The following RPS6KA2 variants were observed in gnomAD, a reference collection of about 807,000 sequenced individuals.
RPS6KA2 encodes the protein ribosomal protein S6 kinase A2, also known as ribosomal protein S6 kinase alpha-2.
In RPS6KA2, 42 loss-of-function variants were observed where a neutral mutation model predicts 91.8. The ratio of observed to expected loss-of-function variants is 0.46; its 90% CI spans 0.36 to 0.59. The LOEUF (loss-of-function observed/expected upper bound fraction) is 0.59. RPS6KA2 is among the 20% of genes least tolerant of loss of function. The pLI, the probability that RPS6KA2 is intolerant of heterozygous loss-of-function variation, is 0.00. For missense variants in RPS6KA2, 798 were observed against 978.5 expected (o/e 0.82, Z 2.46); for synonymous variants, 414 against 393.6 (o/e 1.05, Z -0.61).
chr6:166,695,050 G>A (rs983182946), intron 2 of RPS6KA2, among the ~76,000 whole-genome samples: 1 of 152,218 alleles, frequency 6.6e-6, no homozygotes, highest in African/African-American at 2.4e-5. Context: ...GGCCACCAAG[G>A]AGCTAATATT....
chr6:166,413,249 G>A (rs1035579452), intron 20 of RPS6KA2, among the ~76,000 whole-genome samples: 1 of 152,136 alleles, frequency 6.6e-6, no homozygotes, highest in Admixed American at 6.5e-5. Context: ...GGGTCCTAGG[G>A]GACACAGCGA....
intron 2 of RPS6KA2, among the ~76,000 whole-genome samples, chr6:166,850,613 C>T (rs4710117): frequency 0.92 from 139,438 of 152,226 alleles, 65,133 homozygotes; most frequent in East Asian, 1. Flanking sequence ...AGTGTGGCAA[C>T]GCAGGTCCCG....
At chr6:166,543,811 C>T (rs573513746) in intron 1 of RPS6KA2, among the ~76,000 whole-genome samples, 25 of 152,242 alleles carry the variant, frequency 1.6e-4, no homozygotes, top group Non-Finnish European at 3.4e-4. Context: ...GGCAACTGTC[C>T]TGAGTGTGTG....
At chr6:166,567,198 T>A (rs1773738475) in intron 1 of RPS6KA2, among the ~76,000 whole-genome samples, 1 of 152,162 alleles carries the variant, frequency 6.6e-6, no homozygotes, top group South Asian at 2.1e-4. Flanking sequence ...ATGAGTCACA[T>A]CCATGGTGGC....
In RPS6KA2 at chr6:166,703,041, A is replaced by G. The variant is rs150589340; in HGVS notation, c.123+155159T>C. On this transcript the variant is annotated intron_variant, in intron 2 of 21. Transcript: ENST00000503859. Reference sequence around the variant, plus strand: ...TTTCCTTGTCTAGATATGTTTTAAAAGAGAAAGAAAAGAAAAAGCCTAGCT... The same window carrying G: ...TTTCCTTGTCTAGATATGTTTTAAAGGAGAAAGAAAAGAAAAAGCCTAGCT... Among the ~76,000 whole-genome samples the G allele has an allele frequency of 7.9e-3, 1,210 of 152,318 alleles. 6 individuals are homozygous for G. The highest frequency in any genetic ancestry group is 0.013 in the Non-Finnish European group (892 of 68,024).
chr6:166,668,888 CTTTCT>C (rs1788394241), intron 2 of RPS6KA2, among the ~76,000 whole-genome samples: 2 of 76,126 alleles, frequency 2.6e-5, no homozygotes, highest in Non-Finnish European at 5.2e-5. Flanking sequence ...TCCTTCCTTT[CTTTCT>C]TTTCTTTTTT....
rs760218344 is a variant in RPS6KA2, at chr6:166,469,855, T to C, written c.958A>G (p.Thr320Ala). The change falls in exon 11 of 21, where the codon ACC becomes GCC. Residue 320 changes from threonine to alanine, a missense_variant. Thr to Ala is a moderately conservative substitution (Grantham distance 58, BLOSUM62 0). Coordinates refer to ENST00000265678, the MANE Select transcript of RPS6KA2 (RefSeq NM_021135.6). ...ATGCAACTTACGTTCCAGTCTATGGTCACAAAGAAGGGATGGCGCTTAATT... is the reference window on the plus strand; with the variant it reads ...ATGCAACTTACGTTCCAGTCTATGGCCACAAAGAAGGGATGGCGCTTAATT... ...EEIKRHPFFV[T>A]IDWNTLYRKE... 8 of 1,613,964 alleles carry C rather than the reference T, an allele frequency of 5.0e-6. No individual in the cohort carries two copies. The African/African-American group carries it at 8.0e-5, about 16-fold the overall frequency.
intron 2 of RPS6KA2, among the ~76,000 whole-genome samples, chr6:166,703,811 A>G (rs1038164531): frequency 3.3e-5 from 5 of 152,204 alleles, no homozygotes; most frequent in Admixed American, 2.6e-4. Context: ...CATTAACCTT[A>G]TATGTACCTT....
Position 166,538,581 on chromosome 6 carries a change from G to A in RPS6KA2, c.216+87C>T, listed in dbSNP as rs751804731. Reference sequence around the variant, plus strand: ...GATCGCAGCCCTGCAGGTGAGGACCGCCTGCAATTTTCATCCAGGGGGGCT... The same window carrying A: ...GATCGCAGCCCTGCAGGTGAGGACCACCTGCAATTTTCATCCAGGGGGGCT... On this transcript the variant is annotated intron_variant, in intron 2 of 20. Transcript: ENST00000265678. 177 of 742,970 alleles carry A rather than the reference G, an allele frequency of 2.4e-4. 1 individual carries two copies. The highest frequency in any genetic ancestry group is 3.6e-4 in the Non-Finnish European group (151 of 413,708). The allele number at this position is 742,970 out of a possible 1,614,324, so 46.0% of individuals were successfully genotyped here. A position where few individuals can be genotyped will look rare whatever the true frequency, so the allele number is the denominator to read the frequency against.
chr6:166,501,123 G>C (rs1462908309), intron 6 of RPS6KA2, among the ~76,000 whole-genome samples, 199 bp from the exon 7 acceptor site: 1 of 152,160 alleles, frequency 6.6e-6, no homozygotes, highest in East Asian at 1.9e-4. Flanking sequence ...CTCCCAGCTC[G>C]AGAAAGCATT....
At chr6:166,628,270 C>T (rs1786970061), upstream of RPS6KA2, among the ~76,000 whole-genome samples, 1 of 152,106 alleles carries the variant, frequency 6.6e-6, no homozygotes. Flanking sequence ...AATGCGGGCT[C>T]ACGACCCCGT....
rs753441237 is a variant in RPS6KA2, at chr6:166,469,868, A to T, written c.945T>A (p.His315Gln). The T allele has an allele frequency of 6.8e-6, 11 of 1,614,184 alleles. No homozygotes were observed. In the East Asian group the frequency reaches 2.5e-4, roughly 36 times the overall value. ...TCCAGTCTATGGTCACAAAGAAGGG[A>T]TGGCGCTTAATTTCCTCCACTCCGT... ...GIDGVEEIKRHPFFVTIDWNT... is the reference protein window; with the variant it reads ...GIDGVEEIKRQPFFVTIDWNT... The change falls in exon 11 of 21, where the codon CAT becomes CAA. Residue 315 changes from histidine to glutamine, a missense_variant. Coordinates refer to ENST00000265678, the MANE Select transcript of RPS6KA2 (RefSeq NM_021135.6).
chr6:166,770,784 A>G lies in RPS6KA2; in HGVS notation c.123+87416T>C. The G allele has an allele frequency of 7.3e-7, 1 of 1,362,894 alleles. No individual in the cohort carries two copies. The highest frequency in any genetic ancestry group is 1.0e-6 in the Non-Finnish European group (1 of 994,580). The allele number at this position is 1,362,894 out of a possible 1,614,324, so 84.4% of individuals were successfully genotyped here. On this transcript the variant is annotated intron_variant, in intron 2 of 21. Transcript: ENST00000503859. The surrounding 1 kb of genome is among the most constrained non-coding windows in gnomAD (Gnocchi z 5.1). Reference sequence around the variant, plus strand: ...GTGAAACAACTCAATAAATTGAAAAAGACTTCATGTTTAACTTAAAAAAAA... The same window carrying G: ...GTGAAACAACTCAATAAATTGAAAAGGACTTCATGTTTAACTTAAAAAAAA...
chr6:166,820,883 C>T (rs985979654), intron 2 of RPS6KA2, among the ~76,000 whole-genome samples: 5 of 152,172 alleles, frequency 3.3e-5, no homozygotes, highest in African/African-American at 7.2e-5. Context: ...ACTACGTTCA[C>T]ACACACACTA....
chr6:166,684,267 C>T (rs1788935491), intron 2 of RPS6KA2, among the ~76,000 whole-genome samples: 1 of 152,168 alleles, frequency 6.6e-6, no homozygotes, highest in African/African-American at 2.4e-5. Context: ...GCATTACCGC[C>T]CCTTTTCATA....
intron 2 of RPS6KA2, among the ~76,000 whole-genome samples, chr6:166,792,727 C>T (rs1779123809): frequency 6.6e-6 from 1 of 152,208 alleles, no homozygotes; most frequent in Admixed American, 6.5e-5. Context: ...CATAATCCAT[C>T]ATATAAACAG....
intron 1 of RPS6KA2, among the ~76,000 whole-genome samples, chr6:166,580,498 G>A (rs918619877): frequency 6.6e-6 from 1 of 152,220 alleles, no homozygotes; most frequent in African/African-American, 2.4e-5. Context: ...AAAGGTGAGT[G>A]CATAAACCTC....
chr6:166,568,100 G>A (rs1396256946), intron 1 of RPS6KA2, among the ~76,000 whole-genome samples: 1 of 152,170 alleles, frequency 6.6e-6, no homozygotes, highest in Non-Finnish European at 1.5e-5. Flanking sequence ...CAAGAGAAAA[G>A]GGGACACTGG....
At chr6:166,586,593 A>G in intron 1 of RPS6KA2, 1 of 947,794 alleles carries the variant, frequency 1.1e-6, no homozygotes, top group Admixed American at 2.6e-5. Context: ...GACACTGAGA[A>G]GCCCAGGAGA....
Sources: allele counts gnomAD v4.1 joint callset (sites outside exome capture counted in the v4.1 genomes callset), GRCh38; gene constraint gnomAD v4.1.1; non-coding constraint Gnocchi (gnomAD v3.1); transcripts MANE v1.5; gene names NCBI Gene and HGNC (gene_info 2026-07-23, HGNC 2026-07-21).